The following PRR16 variants were observed in gnomAD, a reference collection of about 807,000 sequenced individuals.
PRR16 encodes proline rich 16.
Under a neutral mutation model 18.2 loss-of-function variants are expected in PRR16, and 6 were observed. That is an observed-to-expected ratio of 0.33 (90% CI 0.18 to 0.65). The LOEUF (loss-of-function observed/expected upper bound fraction) is 0.65, where lower values mean the gene tolerates loss of function less well. Ranked by LOEUF, PRR16 falls within the 30% of genes least tolerant of loss-of-function variation. The pLI, the probability that PRR16 is intolerant of heterozygous loss-of-function variation, is 0.74. For synonymous variants in PRR16, 151 were observed against 147.8 expected, an observed-to-expected ratio of 1.02 and a Z score of -0.16; for missense variants, 412 against 376.6, an observed-to-expected ratio of 1.09 and a Z score of -0.78.
At chr5:120,581,155 C>CT (rs1222126600) in intron 1 of PRR16, among the ~76,000 whole-genome samples, 3 of 152,020 alleles carry the variant, frequency 2.0e-5, no homozygotes, top group East Asian at 3.9e-4. Context: ...TGGTCAGGGG[C>CT]TTTTTTTGGT....
chr5:120,776,894 A>G, the PRR16 span, among the ~76,000 whole-genome samples: 2 of 152,142 alleles, frequency 1.3e-5, no homozygotes, highest in Non-Finnish European at 2.9e-5. Flanking sequence ...TTATGCAGTA[A>G]TAGGGGTTGT....
At chr5:120,703,558 A>G in the PRR16 span, among the ~76,000 whole-genome samples, 2 of 152,312 alleles carry the variant, frequency 1.3e-5, no homozygotes, top group East Asian at 3.9e-4. Context: ...CTGCCATCCC[A>G]ATATGTATTT....
Position 120,686,051 on chromosome 5 carries a change from G to T in PRR16, c.257G>T (p.Gly86Val). 1 of 1,614,078 alleles carries T rather than the reference G, an allele frequency of 6.2e-7. No homozygotes were observed. The highest frequency in any genetic ancestry group is 8.5e-7 in the Non-Finnish European group (1 of 1,180,008). Reference sequence around the variant, plus strand: ...GACACGCTGAATAGTAGCTCAAGTGGCACAACAGCCTCCAGCCTAGAGAAG... The same window carrying T: ...GACACGCTGAATAGTAGCTCAAGTGTCACAACAGCCTCCAGCCTAGAGAAG... Reference protein sequence around the residue: ...KTDTLNSSSSGTTASSLEKIK... With the variant: ...KTDTLNSSSSVTTASSLEKIK... Residue 86 changes from glycine to valine, a missense_variant, in exon 2 of 2, where the codon GGC (glycine) becomes GTC (valine). By Grantham distance (109) the Gly-to-Val change is moderately radical. Coordinates refer to ENST00000407149, the MANE Select transcript of PRR16 (RefSeq NM_001300783.2).
At chr5:120,616,397 A>G (rs1444810858) in intron 1 of PRR16, among the ~76,000 whole-genome samples, 2 of 152,174 alleles carry the variant, frequency 1.3e-5, no homozygotes, top group South Asian at 4.1e-4. Flanking sequence ...TATAGTATCA[A>G]CATCAAGAGA....
At chr5:120,698,277 T>C in the PRR16 span, among the ~76,000 whole-genome samples, 8 of 151,922 alleles carry the variant, frequency 5.3e-5, no homozygotes, top group Non-Finnish European at 7.4e-5. Context: ...TGTAGAATGA[T>C]TGGTGATGGC....
chr5:120,784,634 C>T, the PRR16 span, among the ~76,000 whole-genome samples: 15 of 152,206 alleles, frequency 9.9e-5, no homozygotes, highest in African/African-American at 3.6e-4. Flanking sequence ...GGCAAGAGAT[C>T]GGAGTAGACA....
intron 1 of PRR16, among the ~76,000 whole-genome samples, chr5:120,635,535 A>G (rs1029535002): frequency 6.6e-6 from 1 of 152,206 alleles, no homozygotes; most frequent in African/African-American, 2.4e-5. Context: ...TCATCTCAGT[A>G]GATGTATTAA....
the PRR16 span, among the ~76,000 whole-genome samples, chr5:120,766,762 C>A: frequency 3.9e-5 from 6 of 151,956 alleles, no homozygotes; most frequent in South Asian, 4.1e-4. Flanking sequence ...AAATTAATGA[C>A]CTTTGGACAT....
chr5:120,497,442 G>A lies in PRR16; in HGVS notation c.159+32797G>A, dbSNP rs372754740. Among the ~76,000 whole-genome samples, 8 of 138,070 alleles carry A rather than the reference G, an allele frequency of 5.8e-5. No individual in the cohort carries two copies. The East Asian group carries it at 1.7e-3, about 29-fold the overall frequency. 90.6% of individuals were successfully genotyped at this position (138,070 alleles called of 152,430 possible). On this transcript the variant is annotated intron_variant, in intron 1 of 1. Transcript: ENST00000407149. ...GTCTCACGCTATCACCTGAGCTGGA[G>A]TGCAATGGCGTGATCTTGGTTCACT... is the stretch of plus-strand genomic sequence containing the variant.
chr5:120,756,087 T>C, the PRR16 span, among the ~76,000 whole-genome samples: 1 of 152,092 alleles, frequency 6.6e-6, no homozygotes, highest in Non-Finnish European at 1.5e-5. Context: ...AGTTACACTT[T>C]ATGTAAATGT....
intron 1 of PRR16, among the ~76,000 whole-genome samples, chr5:120,667,435 T>G (rs1448536442): frequency 6.6e-6 from 1 of 152,178 alleles, no homozygotes. Context: ...TTTGAAGCGT[T>G]TTTTGTGTCT....
chr5:120,624,708 G>A (rs1214602099), intron 1 of PRR16, among the ~76,000 whole-genome samples: 1 of 152,124 alleles, frequency 6.6e-6, no homozygotes, highest in East Asian at 1.9e-4. Context: ...TGATCATAAT[G>A]TGCACTGCTT....
At chr5:120,537,874 TC>T (rs1439506103) in intron 1 of PRR16, among the ~76,000 whole-genome samples, 1 of 149,604 alleles carries the variant, frequency 6.7e-6, no homozygotes, top group African/African-American at 2.5e-5. Context: ...CCTCCCGGGT[TC>T]ACGCCATTCT....
chr5:120,583,088 A>G (rs1753327023), intron 1 of PRR16, among the ~76,000 whole-genome samples: 1 of 152,234 alleles, frequency 6.6e-6, no homozygotes, highest in Non-Finnish European at 1.5e-5. Context: ...ACCTTACAAT[A>G]TGGTGGCTGT....
At chr5:120,571,653 A>G (rs527406100) in intron 1 of PRR16, among the ~76,000 whole-genome samples, 11 of 152,272 alleles carry the variant, frequency 7.2e-5, no homozygotes, top group African/African-American at 2.6e-4. Context: ...GCTTTAAGTT[A>G]TCTAAGAGAG....
intron 1 of PRR16, among the ~76,000 whole-genome samples, chr5:120,664,166 G>T (rs1756276527): frequency 6.6e-6 from 1 of 152,026 alleles, no homozygotes; most frequent in African/African-American, 2.4e-5. Flanking sequence ...GGGTATGGTG[G>T]CAGATGCGTG....
chr5:120,787,760 G>C, the PRR16 span, among the ~76,000 whole-genome samples: 1 of 151,938 alleles, frequency 6.6e-6, no homozygotes, highest in African/African-American at 2.4e-5. Flanking sequence ...TGAAAATATG[G>C]AGCGTAAGTA....
the PRR16 span, among the ~76,000 whole-genome samples, chr5:120,793,957 T>G: frequency 6.6e-6 from 1 of 152,080 alleles, no homozygotes; most frequent in African/African-American, 2.4e-5. Context: ...ACATTGAAAA[T>G]GTGGTATTAC....
intron 1 of PRR16, among the ~76,000 whole-genome samples, chr5:120,632,341 G>A (rs1363688164): frequency 6.6e-6 from 1 of 152,006 alleles, no homozygotes; most frequent in Non-Finnish European, 1.5e-5. Context: ...CCAAAATTTT[G>A]TACCAGCTCA....
Sources: allele counts gnomAD v4.1 joint callset (sites outside exome capture counted in the v4.1 genomes callset), GRCh38; gene constraint gnomAD v4.1.1; transcripts MANE v1.5; gene names NCBI Gene and HGNC (gene_info 2026-07-23, HGNC 2026-07-21).